Variants in OTULIN observed in about 807,000 individuals in gnomAD.
OTULIN encodes ubiquitin thioesterase otulin.
Under a neutral mutation model 39.6 loss-of-function variants are expected in OTULIN, and 15 were observed. The observed-to-expected ratio is 0.38, with a 90% confidence interval of 0.25 to 0.58. The LOEUF (loss-of-function observed/expected upper bound fraction) is 0.58. OTULIN is among the 20% of genes least tolerant of loss of function. The pLI is 0.66. For missense variants in OTULIN, 319 were observed against 445.9 expected, an observed-to-expected ratio of 0.72 and a Z score of 2.56; for synonymous variants, 156 against 170.3, an observed-to-expected ratio of 0.92 and a Z score of 0.65.
At position 14,664,807 on chromosome 5, in the gene OTULIN, T is replaced by A; in HGVS notation, c.-19T>A. The A allele has an allele frequency of 8.3e-7, 1 of 1,207,922 alleles. No individual in the cohort carries two copies. Among genetic ancestry groups the A allele is most frequent in the Non-Finnish European group, 1.0e-6 (1 of 970,834 alleles). 74.8% of individuals were successfully genotyped at this position (1,207,922 alleles called of 1,614,324 possible). On this transcript the variant is annotated 5_prime_UTR_variant, in exon 1 of 7. Transcript: ENST00000284274. ...GATCGTTCGGAGCCGGCTGAACCCCTTCGGCCGCGAGCGACCGCATGAGTC... is the reference window on the plus strand; with the variant it reads ...GATCGTTCGGAGCCGGCTGAACCCCATCGGCCGCGAGCGACCGCATGAGTC...
the OTULIN span, chr5:14,706,747 CATG>C: frequency 3.3e-5 from 5 of 152,182 alleles, no homozygotes; most frequent in Non-Finnish European, 7.3e-5. Context: ...TGATGAGTCA[CATG>C]ATGTTTTTTG....
chr5:14,714,889 G>A, the OTULIN span, among the ~76,000 whole-genome samples: 4 of 152,276 alleles, frequency 2.6e-5, no homozygotes, highest in East Asian at 7.7e-4. Flanking sequence ...CCCCTCCTCT[G>A]GTCACTACTG....
intron 2 of OTULIN, 91 bp downstream of exon 2, chr5:14,673,809 A>G: frequency 2.8e-6 from 3 of 1,074,656 alleles, no homozygotes; most frequent in Non-Finnish European, 4.1e-6. Flanking sequence ...TAAAATATCA[A>G]TAAAATATTC....
chr5:14,704,328 T>TCA (rs1736875306), downstream of OTULIN, among the ~76,000 whole-genome samples: 1 of 2,474 alleles, frequency 4.0e-4, no homozygotes, highest in Non-Finnish European at 8.2e-4. Flanking sequence ...AGACTCCGTC[T>TCA]CAAAAAAAAA....
chr5:14,685,029 C>G (rs933497242), intron 4 of OTULIN, among the ~76,000 whole-genome samples: 7 of 152,242 alleles, frequency 4.6e-5, no homozygotes, highest in African/African-American at 1.7e-4. Context: ...GACCCTCACC[C>G]CAGCTATGGA....
intron 5 of OTULIN, among the ~76,000 whole-genome samples, chr5:14,689,232 C>T (rs909893208): frequency 1.3e-5 from 2 of 152,148 alleles, no homozygotes; most frequent in East Asian, 1.9e-4. Context: ...ATATGAGATA[C>T]AGACAAGCAA....
rs544302642 is a variant in OTULIN, at chr5:14,667,437, A to G, written c.152+2460A>G. The stretch of plus-strand genomic sequence containing the variant: ...TTGCCCAGTTTGGAGTGCAGTGACA[A>G]TCATGGCTCACTGTAGCCTCAACCT... On this transcript the variant is annotated intron_variant, in intron 1 of 6. Coordinates refer to ENST00000284274, the MANE Select transcript of OTULIN (RefSeq NM_138348.6). Among the ~76,000 whole-genome samples, 21 of 152,274 alleles carry G rather than the reference A, an allele frequency of 1.4e-4. No individual in the cohort carries two copies. The South Asian group carries it at 3.9e-3, about 29-fold the overall frequency.
rs1038656189 is a variant in OTULIN, at chr5:14,681,389, T to C, written c.325-75T>C. 4.0e-6 allele frequency: 6 copies of C among 1,513,594 alleles called. No homozygotes were observed. The East Asian group carries it at 1.4e-4, about 35-fold the overall frequency. 93.8% of individuals were successfully genotyped at this position (1,513,594 alleles called of 1,614,324 possible). A position where few individuals can be genotyped will look rare whatever the true frequency, so the allele number is the denominator to read the frequency against. ...CCCAGTGATCCCAGGCCAAGCTTTT[T>C]CCACAGGAATGAAACTTTCTCTGCT... On this transcript the variant is annotated intron_variant, in intron 3 of 6. Transcript: ENST00000284274.
chr5:14,711,578 C>A, the OTULIN span, among the ~76,000 whole-genome samples: 1 of 152,192 alleles, frequency 6.6e-6, no homozygotes, highest in South Asian at 2.1e-4. Context: ...CCAGACAACC[C>A]GCTCCCTGCT....
chr5:14,715,641 C>G, the OTULIN span, among the ~76,000 whole-genome samples: 2 of 152,236 alleles, frequency 1.3e-5, no homozygotes, highest in South Asian at 4.1e-4. Flanking sequence ...CCACTGTTAG[C>G]AGCTTGGTGA....
intron 4 of OTULIN, among the ~76,000 whole-genome samples, chr5:14,686,915 CA>C (rs1407760709): frequency 1.3e-5 from 2 of 152,174 alleles, no homozygotes; most frequent in Non-Finnish European, 2.9e-5. Flanking sequence ...CTCTGATTTT[CA>C]ATTGTATGTT....
At chr5:14,704,434 G>T (rs890358614), downstream of OTULIN, among the ~76,000 whole-genome samples, 1 of 152,038 alleles carries the variant, frequency 6.6e-6, no homozygotes, top group African/African-American at 2.4e-5. Flanking sequence ...GGATTGTCGG[G>T]CTCTGTCCTT....
At chr5:14,705,838 C>G in the OTULIN span, 2 of 152,392 alleles carry the variant, frequency 1.3e-5, no homozygotes, top group African/African-American at 4.8e-5. Context: ...CTTTCAGTAG[C>G]TGTTTCATTC....
At chr5:14,711,134 A>AGAGAT in the OTULIN span, 7 of 1,309,778 alleles carry the variant, frequency 5.3e-6, no homozygotes, top group East Asian at 2.3e-5. Flanking sequence ...GGGAGAGGGA[A>AGAGAT]GAGATGATGC....
At chr5:14,668,187 G>T (rs534602155) in intron 1 of OTULIN, among the ~76,000 whole-genome samples, 4 of 152,194 alleles carry the variant, frequency 2.6e-5, no homozygotes, top group Non-Finnish European at 5.9e-5. Flanking sequence ...TCTTGTGGAT[G>T]TATTTTCTGC....
intron 2 of OTULIN, among the ~76,000 whole-genome samples, chr5:14,676,002 A>G (rs570423997): frequency 3.3e-5 from 5 of 152,376 alleles, no homozygotes; most frequent in Middle Eastern, 3.4e-3. Context: ...TAGCTGTGAC[A>G]GAAACCTTAT....
intron 2 of OTULIN, among the ~76,000 whole-genome samples, chr5:14,677,047 T>A (rs928200753): frequency 5.3e-5 from 8 of 152,338 alleles, no homozygotes; most frequent in African/African-American, 1.9e-4. Context: ...TTATTTTCTC[T>A]TGTATGTAAA....
chr5:14,679,252 C>T (rs573883721), intron 3 of OTULIN, among the ~76,000 whole-genome samples: 2 of 152,284 alleles, frequency 1.3e-5, no homozygotes, highest in East Asian at 3.9e-4. Context: ...AGATAGTCTC[C>T]AAGGCTGTGG....
intron 1 of OTULIN, among the ~76,000 whole-genome samples, chr5:14,668,228 C>A (rs564978956): frequency 6.6e-6 from 1 of 152,180 alleles, no homozygotes; most frequent in African/African-American, 2.4e-5. Flanking sequence ...TGCTACAGTT[C>A]GGAGTAGGGA....
Sources: allele counts gnomAD v4.1 joint callset (sites outside exome capture counted in the v4.1 genomes callset), GRCh38; gene constraint gnomAD v4.1.1; transcripts MANE v1.5; gene names NCBI Gene and HGNC (gene_info 2026-07-23, HGNC 2026-07-21).